The following ERG variants were observed in gnomAD, a reference collection of about 807,000 sequenced individuals.
ERG encodes transcriptional regulator ERG.
A neutral mutation model predicts 55.3 loss-of-function variants in ERG; 9 were observed. The ratio of observed to expected loss-of-function variants is 0.16; its 90% CI spans 0.10 to 0.28. The LOEUF (loss-of-function observed/expected upper bound fraction) is 0.28, where lower values mean the gene tolerates loss of function less well. Among genes scored for constraint, ERG ranks in the 10% least tolerant of loss-of-function variants. The pLI is 1.00. For synonymous variants in ERG, 223 were observed against 237.3 expected (o/e 0.94, Z 0.55); for missense variants, 434 against 631.6 (o/e 0.69, Z 3.35).
intron 2 of ERG, among the ~76,000 whole-genome samples, chr21:38,508,071 G>A (rs376155998): frequency 8.1e-3 from 6 of 742 alleles, no homozygotes; most frequent in Admixed American, 0.021. Context: ...ATACACACAT[G>A]CACACACATA....
intron 2 of ERG, among the ~76,000 whole-genome samples, chr21:38,514,405 A>C (rs2083563403): frequency 6.6e-6 from 1 of 151,930 alleles, no homozygotes; most frequent in South Asian, 2.1e-4. Context: ...TATATACGAC[A>C]ATAATATATA....
chr21:38,397,258 T>G (rs2146441834), intron 6 of ERG, among the ~76,000 whole-genome samples: 1 of 152,088 alleles, frequency 6.6e-6, no homozygotes, highest in Middle Eastern at 3.4e-3. Flanking sequence ...GTCAGGGGGC[T>G]CTGGAATAAA....
intron 2 of ERG, among the ~76,000 whole-genome samples, chr21:38,515,380 A>C (rs898962137): frequency 1.3e-5 from 2 of 152,042 alleles, no homozygotes; most frequent in South Asian, 2.1e-4. Context: ...ATCAGAAAGA[A>C]ACTGAAAACT....
At chr21:38,534,508 T>G (rs1485120290) in intron 2 of ERG, among the ~76,000 whole-genome samples, 1 of 152,066 alleles carries the variant, frequency 6.6e-6, no homozygotes, top group Non-Finnish European at 1.5e-5. Context: ...TCTTAGAAAA[T>G]AATTTTTACA....
intron 1 of ERG, among the ~76,000 whole-genome samples, chr21:38,494,278 G>A (rs184644679): frequency 2.1e-3 from 317 of 152,290 alleles, no homozygotes; most frequent in African/African-American, 7.2e-3. Flanking sequence ...AAAAGACCCC[G>A]CCAGAGCACA....
intron 1 of ERG, among the ~76,000 whole-genome samples, chr21:38,635,241 A>G (rs956781202): frequency 1.3e-5 from 2 of 152,158 alleles, no homozygotes; most frequent in Non-Finnish European, 2.9e-5. Context: ...ATAGACCCAT[A>G]CTGAATCCTT....
At chr21:38,557,097 A>T (rs1172043939) in intron 2 of ERG, among the ~76,000 whole-genome samples, 4 of 152,206 alleles carry the variant, frequency 2.6e-5, no homozygotes, top group Non-Finnish European at 5.9e-5. Flanking sequence ...AAGCACATGT[A>T]TTCAGCTACT....
At chr21:38,384,481 T>C (rs1429132291) in intron 9 of ERG, among the ~76,000 whole-genome samples, 1 of 152,224 alleles carries the variant, frequency 6.6e-6, no homozygotes, top group Non-Finnish European at 1.5e-5. Flanking sequence ...CGAATTCATA[T>C]GGGGCAAAGT....
chr21:38,409,327 T>G (rs1029316664), intron 3 of ERG, among the ~76,000 whole-genome samples: 3 of 151,670 alleles, frequency 2.0e-5, no homozygotes, highest in Non-Finnish European at 1.5e-5. Context: ...CTACTAAAAA[T>G]ACAAAATTAG....
rs566365079 is a variant in ERG, at chr21:38,649,436, C to T, written c.-150+12222G>A. On this transcript the variant is annotated intron_variant, in intron 1 of 10. Coordinates refer to the ERG transcript ENST00000398910. ...AACGTTCTGGTTACCGGGGATGACA[C>T]GCTTTTTCCGACAAGATTTTAAGCA... Among the ~76,000 whole-genome samples, 298 of 152,312 alleles carry T rather than the reference C, an allele frequency of 2.0e-3. 1 individual carries two copies. Among genetic ancestry groups the T allele is most frequent in the African/African-American group, 6.1e-3 (252 of 41,558 alleles).
intron 2 of ERG, among the ~76,000 whole-genome samples, chr21:38,555,594 A>G (rs2059853667): frequency 6.6e-6 from 1 of 152,160 alleles, no homozygotes. Flanking sequence ...TTGAGTATCT[A>G]TATTGAAATA....
At chr21:38,596,681 G>C (rs2060133450) in intron 1 of ERG, among the ~76,000 whole-genome samples, 1 of 152,190 alleles carries the variant, frequency 6.6e-6, no homozygotes, top group Non-Finnish European at 1.5e-5. Flanking sequence ...GAATTCCTTA[G>C]TTTCCTGGAC....
intron 2 of ERG, among the ~76,000 whole-genome samples, chr21:38,562,598 G>A (rs990066109): frequency 2.0e-5 from 3 of 152,156 alleles, no homozygotes; most frequent in African/African-American, 2.4e-5. Flanking sequence ...TACAGAATGA[G>A]TATCTGTGAT....
intron 2 of ERG, among the ~76,000 whole-genome samples, chr21:38,521,488 G>A (rs929748887): frequency 3.9e-5 from 6 of 152,258 alleles, no homozygotes; most frequent in African/African-American, 1.2e-4. Context: ...GACAAAAGAA[G>A]CTCATGAAAG....
intron 1 of ERG, among the ~76,000 whole-genome samples, chr21:38,448,373 T>C (rs1471594433): frequency 6.6e-6 from 1 of 152,188 alleles, no homozygotes; most frequent in Non-Finnish European, 1.5e-5. Flanking sequence ...AACCCCTCAG[T>C]TGCTTTTGTT....
intron 2 of ERG, among the ~76,000 whole-genome samples, chr21:38,569,846 T>C (rs1225478911): frequency 6.6e-6 from 1 of 152,240 alleles, no homozygotes; most frequent in African/African-American, 2.4e-5. Flanking sequence ...GGAATCATAT[T>C]GTATGTAATC....
At chr21:38,374,882 T>C in the ERG span, among the ~76,000 whole-genome samples, 4 of 152,180 alleles carry the variant, frequency 2.6e-5, no homozygotes, top group East Asian at 7.7e-4. Context: ...ATCACTAGTA[T>C]GTTTTGCTCC....
At chr21:38,486,461 C>A (rs140810059) in intron 1 of ERG, among the ~76,000 whole-genome samples, 4 of 152,280 alleles carry the variant, frequency 2.6e-5, no homozygotes, top group African/African-American at 9.6e-5. Flanking sequence ...TCTAACAACT[C>A]ATTTCTCAGA....
chr21:38,636,062 C>T (rs1046375576), intron 1 of ERG, among the ~76,000 whole-genome samples: 1 of 104,584 alleles, frequency 9.6e-6, no homozygotes, highest in African/African-American at 3.5e-5. Flanking sequence ...TACCCTCTTG[C>T]TGTTCTCAAG....
Sources: allele counts gnomAD v4.1 joint callset (sites outside exome capture counted in the v4.1 genomes callset), GRCh38; gene constraint gnomAD v4.1.1; transcripts MANE v1.5; gene names NCBI Gene and HGNC (gene_info 2026-07-23, HGNC 2026-07-21).